Variants in SPOCK1 observed in about 807,000 individuals in gnomAD.
SPOCK1 encodes SPARC (osteonectin), cwcv and kazal like domains proteoglycan 1.
A neutral mutation model predicts 55.3 loss-of-function variants in SPOCK1; 23 were observed. The ratio of observed to expected loss-of-function variants is 0.42; its 90% CI spans 0.30 to 0.59. The LOEUF (loss-of-function observed/expected upper bound fraction) is 0.59, where lower values mean the gene tolerates loss of function less well. Among genes scored for constraint, SPOCK1 ranks in the 20% least tolerant of loss-of-function variants. The pLI, the probability that SPOCK1 is intolerant of heterozygous loss-of-function variation, is 0.22. For synonymous variants in SPOCK1, 226 were observed against 221.0 expected (o/e 1.02, Z -0.20); for missense variants, 499 against 552.5 (o/e 0.90, Z 0.97).
At chr5:137,274,931 G>A (rs17171278) in intron 2 of SPOCK1, among the ~76,000 whole-genome samples, 7,548 of 152,260 alleles carry the variant, frequency 0.05, 293 homozygotes, top group East Asian at 0.11. Context: ...GCCTATTTGT[G>A]CATTGAGTGT....
intron 5 of SPOCK1, among the ~76,000 whole-genome samples, chr5:137,101,874 A>C (rs1753271742): frequency 6.6e-6 from 1 of 152,228 alleles, no homozygotes; most frequent in South Asian, 2.1e-4. Flanking sequence ...AAACATCCTG[A>C]ATTAAAATGA....
chr5:137,021,520 C>T (rs1283648380), intron 6 of SPOCK1, among the ~76,000 whole-genome samples: 2 of 151,972 alleles, frequency 1.3e-5, no homozygotes, highest in Non-Finnish European at 1.5e-5. Context: ...ACCGTTTATC[C>T]CTTACACACA....
At position 137,498,462 on chromosome 5, in the gene SPOCK1, G is replaced by T. The variant is rs1561551604; in HGVS notation, c.97C>A (p.Pro33Thr). 5 of 1,609,342 alleles carry T rather than the reference G, an allele frequency of 3.1e-6. No individual in the cohort carries two copies. The highest frequency in any genetic ancestry group is 4.2e-6 in the Non-Finnish European group (5 of 1,178,788). Residue 33 changes from proline to threonine, a missense_variant, in exon 2 of 11, where the codon CCC becomes ACC. Coordinates refer to ENST00000394945, the MANE Select transcript of SPOCK1 (RefSeq NM_004598.4). ...HLDALAGGAGPNHGNFLDNDQ... is the reference protein window; with the variant it reads ...HLDALAGGAGTNHGNFLDNDQ... ...TTGTCTAGGAAATTGCCGTGGTTGG[G>T]GCCCGCGCCTCCGGCGAGCGCGTCC...
intron 5 of SPOCK1, among the ~76,000 whole-genome samples, chr5:137,100,348 G>A (rs1327170449): frequency 6.6e-6 from 1 of 152,136 alleles, no homozygotes; most frequent in Non-Finnish European, 1.5e-5. Flanking sequence ...CCCTTGTTTG[G>A]TGCCAGGGAG....
chr5:136,987,410 T>C (rs1750863969), intron 8 of SPOCK1, among the ~76,000 whole-genome samples: 1 of 152,186 alleles, frequency 6.6e-6, no homozygotes. Context: ...TTTGTACAGA[T>C]GTTCAACCTA....
intron 2 of SPOCK1, among the ~76,000 whole-genome samples, chr5:137,277,132 A>G (rs1172146411): frequency 6.6e-6 from 1 of 152,090 alleles, no homozygotes; most frequent in Non-Finnish European, 1.5e-5. Context: ...CTCCTGCCTC[A>G]TCCTCCCAAG....
At chr5:137,380,459 T>C (rs139097401) in intron 2 of SPOCK1, among the ~76,000 whole-genome samples, 125 of 152,328 alleles carry the variant, frequency 8.2e-4, no homozygotes, top group African/African-American at 2.6e-3. Flanking sequence ...CAGTCCATTT[T>C]CACACTGCTA....
chr5:137,479,219 GAGA>G (rs1264417547), intron 2 of SPOCK1, among the ~76,000 whole-genome samples: 2 of 152,148 alleles, frequency 1.3e-5, no homozygotes, highest in Non-Finnish European at 2.9e-5. Flanking sequence ...TAACGGAACA[GAGA>G]AAAGGAAATT....
At chr5:137,246,114 T>C (rs1312560915) in intron 3 of SPOCK1, among the ~76,000 whole-genome samples, 2 of 152,214 alleles carry the variant, frequency 1.3e-5, no homozygotes, top group African/African-American at 4.8e-5. Flanking sequence ...ATCATTATAG[T>C]CAACTCTATC....
At chr5:137,469,489 A>G (rs1236624920) in intron 2 of SPOCK1, among the ~76,000 whole-genome samples, 1 of 152,120 alleles carries the variant, frequency 6.6e-6, no homozygotes, top group African/African-American at 2.4e-5. Flanking sequence ...TATTAATAAG[A>G]GTTATGCAAA....
At chr5:137,105,986 C>T (rs1430871425) in intron 5 of SPOCK1, among the ~76,000 whole-genome samples, 1 of 152,138 alleles carries the variant, frequency 6.6e-6, no homozygotes, top group Non-Finnish European at 1.5e-5. Flanking sequence ...GCTTAGTGGG[C>T]CCTCTCCTCA....
intron 2 of SPOCK1, among the ~76,000 whole-genome samples, chr5:137,488,192 T>C (rs183224357): frequency 2.6e-5 from 4 of 152,048 alleles, no homozygotes; most frequent in Admixed American, 6.5e-5. Flanking sequence ...GCCTGGCCAA[T>C]GCGGCGAAAC....
At chr5:137,231,237 G>C (rs1380837574) in intron 3 of SPOCK1, among the ~76,000 whole-genome samples, 3 of 152,156 alleles carry the variant, frequency 2.0e-5, no homozygotes, top group Admixed American at 1.3e-4. Context: ...TAGAGGCAGG[G>C]TTTCACCATG....
rs77063140 is a variant in SPOCK1, at chr5:137,463,310, T to C, written c.186+35063A>G. On this transcript the variant is annotated intron_variant, in intron 2 of 10. Transcript: ENST00000394945. Reference sequence around the variant, plus strand: ...ATCAACATGTGGTACATATACACAATGGAGTCCTATTCAGCCATACAAAAG... The same window carrying C: ...ATCAACATGTGGTACATATACACAACGGAGTCCTATTCAGCCATACAAAAG... 9.5e-3 allele frequency among the ~76,000 whole-genome samples: 1,444 copies of C among 152,304 alleles called. 12 individuals are homozygous for C. The highest frequency in any genetic ancestry group is 0.044 in the South Asian group (214 of 4,822).
chr5:137,247,664 A>T (rs568648274), intron 3 of SPOCK1, among the ~76,000 whole-genome samples: 1 of 152,186 alleles, frequency 6.6e-6, no homozygotes, highest in African/African-American at 2.4e-5. Flanking sequence ...TTATAAAGCA[A>T]AGAAGTTTAT....
chr5:137,087,802 G>C (rs187487839), intron 5 of SPOCK1, among the ~76,000 whole-genome samples: 1 of 152,292 alleles, frequency 6.6e-6, no homozygotes, highest in African/African-American at 2.4e-5. Context: ...ACATTGAGAA[G>C]GTTCAGAAAG....
intron 3 of SPOCK1, among the ~76,000 whole-genome samples, chr5:137,146,686 G>A (rs1754200599): frequency 1.3e-5 from 2 of 152,186 alleles, no homozygotes; most frequent in South Asian, 2.1e-4. Context: ...ACCAGCTGAC[G>A]ACAGAGCCTC....
intron 2 of SPOCK1, among the ~76,000 whole-genome samples, chr5:137,393,141 G>A (rs1409459930): frequency 6.6e-6 from 1 of 152,162 alleles, no homozygotes; most frequent in East Asian, 1.9e-4. Context: ...AGGGCAATGA[G>A]GATGTATATT....
chr5:137,390,427 A>T (rs1277793200), intron 2 of SPOCK1, among the ~76,000 whole-genome samples: 2 of 152,230 alleles, frequency 1.3e-5, no homozygotes, highest in African/African-American at 4.8e-5. Flanking sequence ...CTGCCTTTTT[A>T]AATAAAGGAA....
Sources: allele counts gnomAD v4.1 joint callset (sites outside exome capture counted in the v4.1 genomes callset), GRCh38; gene constraint gnomAD v4.1.1; transcripts MANE v1.5; gene names NCBI Gene and HGNC (gene_info 2026-07-23, HGNC 2026-07-21).